Variants in WDR59 observed in about 807,000 individuals in gnomAD.
The protein encoded by WDR59 is WD repeat domain 59.
WDR59 carries 100 observed loss-of-function variants against 131.2 expected under a neutral mutation model. The ratio of observed to expected loss-of-function variants is 0.76; its 90% CI spans 0.65 to 0.90. WDR59 has a LOEUF of 0.90. Among genes scored for constraint, WDR59 ranks in the 40% least tolerant of loss-of-function variants. The pLI is 0.00. For missense variants in WDR59, 1,203 were observed against 1,262.2 expected, an observed-to-expected ratio of 0.95 and a Z score of 0.71; for synonymous variants, 601 against 466.2, an observed-to-expected ratio of 1.29 and a Z score of -3.72.
At chr16:74,961,649 T>C (rs374795179) in intron 2 of WDR59, among the ~76,000 whole-genome samples, 1 of 152,328 alleles carries the variant, frequency 6.6e-6, no homozygotes, top group East Asian at 1.9e-4. Context: ...TGTTTATTTC[T>C]TGTAAATTTG....
At chr16:74,883,909 G>A (rs1053249704) in intron 25 of WDR59, among the ~76,000 whole-genome samples, 1 of 152,080 alleles carries the variant, frequency 6.6e-6, no homozygotes, top group African/African-American at 2.4e-5. Context: ...AACCGCCTAT[G>A]CAACTTCTCC....
chr16:74,885,604 T>C, intron 25 of WDR59, 49 bp downstream of exon 25: 1 of 1,598,628 alleles, frequency 6.3e-7, no homozygotes, highest in Non-Finnish European at 8.5e-7. Flanking sequence ...CATATTAAAT[T>C]ACAGGATCTT....
At chr16:74,968,468 C>T (rs1392268828) in intron 1 of WDR59, among the ~76,000 whole-genome samples, 2 of 152,174 alleles carry the variant, frequency 1.3e-5, no homozygotes, top group Admixed American at 6.5e-5. Flanking sequence ...CACCTGTAAT[C>T]CCAGCACTTT....
At position 74,912,203 on chromosome 16, in the gene WDR59, G is replaced by A; in HGVS notation, c.1384C>T (p.Leu462=). The change falls in exon 14 of 26, where the codon CTG becomes TTG. Residue 462 remains leucine (L), a synonymous_variant. Transcript: ENST00000262144. The part of the protein sequence containing the change: ...TITSTMKAKL[L]KILKDTALQK... ...TTGGGAACCCAGACCCCCACCTTCA[G>A]CAGCTTAGCTTTCATGGTGGATGTG... The A allele has an allele frequency of 1.9e-6, 3 of 1,614,152 alleles. No individual in the cohort carries two copies. The highest frequency in any genetic ancestry group is 2.5e-6 in the Non-Finnish European group (3 of 1,180,030).
chr16:74,981,639 T>TATATATATAC (rs2034419369), intron 1 of WDR59, among the ~76,000 whole-genome samples: 2 of 40,892 alleles, frequency 4.9e-5, no homozygotes, highest in African/African-American at 1.3e-4. Flanking sequence ...TATATATATA[T>TATATATATAC]ATATATATAT....
At chr16:74,967,711 T>C (rs2033828890) in intron 1 of WDR59, among the ~76,000 whole-genome samples, 1 of 151,800 alleles carries the variant, frequency 6.6e-6, no homozygotes, top group African/African-American at 2.4e-5. Flanking sequence ...ATACAAAAAT[T>C]AGCCGGGCAT....
intron 1 of WDR59, among the ~76,000 whole-genome samples, chr16:74,971,414 C>A (rs1262450175): frequency 6.8e-6 from 1 of 146,208 alleles, no homozygotes; most frequent in Non-Finnish European, 1.5e-5. Flanking sequence ...GTTTTCCTTC[C>A]TTCTTTCCTT....
chr16:74,882,024 C>G (rs1479052362), intron 25 of WDR59, among the ~76,000 whole-genome samples: 1 of 152,114 alleles, frequency 6.6e-6, no homozygotes, highest in Non-Finnish European at 1.5e-5. Flanking sequence ...TCATCCTTAA[C>G]TATCATTAAG....
intron 18 of WDR59, among the ~76,000 whole-genome samples, chr16:74,902,536 C>A (rs368257647): frequency 6.6e-6 from 1 of 152,116 alleles, no homozygotes; most frequent in Non-Finnish European, 1.5e-5. Flanking sequence ...TACACACCCC[C>A]ACAAAGTGAA....
intron 1 of WDR59, among the ~76,000 whole-genome samples, chr16:74,972,576 G>A (rs528374932): frequency 1.3e-5 from 2 of 152,096 alleles, no homozygotes; most frequent in South Asian, 4.2e-4. Context: ...GCTCACACCT[G>A]TAATCTCAGC....
intron 8 of WDR59, among the ~76,000 whole-genome samples, chr16:74,935,694 T>C (rs1300088178): frequency 6.6e-6 from 1 of 152,178 alleles, no homozygotes; most frequent in Non-Finnish European, 1.5e-5. Flanking sequence ...TTTCTAAGTT[T>C]CTTCACTTTT....
intron 1 of WDR59, among the ~76,000 whole-genome samples, chr16:74,969,036 A>C (rs2033880069): frequency 6.6e-6 from 1 of 152,144 alleles, no homozygotes; most frequent in African/African-American, 2.4e-5. Context: ...CACCCTCAGC[A>C]CACCAGGTGG....
rs2144736355 is a variant in WDR59, at chr16:74,874,116, AC to A, written c.*92del. 1 of 1,117,656 alleles carries A rather than the reference AC, an allele frequency of 8.9e-7. No individual in the cohort carries two copies. The highest frequency in any genetic ancestry group is 2.6e-5 in the East Asian group (1 of 38,936). 69.2% of individuals were successfully genotyped at this position (1,117,656 alleles called of 1,614,324 possible). A position where few individuals can be genotyped will look rare whatever the true frequency, so the allele number is the denominator to read the frequency against. On this transcript the variant is annotated 3_prime_UTR_variant, in exon 26 of 26. Transcript: ENST00000262144. Reference sequence around the variant, plus strand: ...CATCCTCCGGTCTCACTGGGGACGAACCCAGGTTCTGGAGCCTCTCCCCTGA... The same window carrying A: ...CATCCTCCGGTCTCACTGGGGACGAACCAGGTTCTGGAGCCTCTCCCCTGA...
intron 2 of WDR59, among the ~76,000 whole-genome samples, chr16:74,963,946 T>C (rs756788278): frequency 2.0e-5 from 3 of 149,914 alleles, no homozygotes; most frequent in South Asian, 2.1e-4. Context: ...AGAGAGAATA[T>C]GAAATGAGGC....
intron 8 of WDR59, among the ~76,000 whole-genome samples, chr16:74,926,493 T>C (rs2030826445): frequency 1.3e-5 from 2 of 152,212 alleles, no homozygotes; most frequent in African/African-American, 2.4e-5. Context: ...AGTACTTTCC[T>C]CCTTCTTACA....
intron 25 of WDR59, among the ~76,000 whole-genome samples, chr16:74,877,985 T>C (rs768465892): frequency 5.3e-5 from 8 of 151,992 alleles, no homozygotes; most frequent in Non-Finnish European, 8.8e-5. Flanking sequence ...TTTGGAAGAA[T>C]AAAGCTCTCA....
At chr16:74,958,793 T>C (rs553748456) in intron 2 of WDR59, among the ~76,000 whole-genome samples, 3 of 151,644 alleles carry the variant, frequency 2.0e-5, no homozygotes, top group Non-Finnish European at 4.4e-5. Flanking sequence ...CCGGGCACAG[T>C]GGCCCACGCC....
chr16:74,962,314 C>T (rs1377627943), intron 2 of WDR59, among the ~76,000 whole-genome samples: 1 of 152,090 alleles, frequency 6.6e-6, no homozygotes, highest in Admixed American at 6.6e-5. Context: ...TTTTCTAATT[C>T]TGTGAAGAAT....
At chr16:74,940,374 G>C (rs576928702) in intron 7 of WDR59, among the ~76,000 whole-genome samples, 1 of 147,958 alleles carries the variant, frequency 6.8e-6, no homozygotes, top group Non-Finnish European at 1.5e-5. Context: ...GTGAGACTCT[G>C]TCTCCCAAAA....
Sources: allele counts gnomAD v4.1 joint callset (sites outside exome capture counted in the v4.1 genomes callset), GRCh38; gene constraint gnomAD v4.1.1; transcripts MANE v1.5; gene names NCBI Gene and HGNC (gene_info 2026-07-23, HGNC 2026-07-21).